EFR3A: variants seen among roughly 807,000 people sequenced by gnomAD.
EFR3A encodes the protein EFR3 homolog A.
Under a neutral mutation model 104.4 loss-of-function variants are expected in EFR3A, and 76 were observed. The ratio of observed to expected loss-of-function variants is 0.73; its 90% confidence interval spans 0.60 to 0.88. The LOEUF (loss-of-function observed/expected upper bound fraction) is 0.88. EFR3A is among the 40% of genes least tolerant of loss of function. The probability of loss-of-function intolerance (pLI) is 0.00; values close to 1 mark genes in which losing one functional copy is unlikely to be tolerated. For missense variants in EFR3A, 985 were observed against 1,012.5 expected, an observed-to-expected ratio of 0.97 and a Z score of 0.37; for synonymous variants, 330 against 330.0, an observed-to-expected ratio of 1.00 and a Z score of 0.00.
intron 2 of EFR3A, among the ~76,000 whole-genome samples, chr8:131,943,882 T>C (rs1818291894): frequency 6.6e-6 from 1 of 151,826 alleles, no homozygotes; most frequent in Non-Finnish European, 1.5e-5. Context: ...GCTCATTTGC[T>C]GTCTGAGAGA....
chr8:131,926,115 G>A (rs1817285909), intron 1 of EFR3A, among the ~76,000 whole-genome samples: 1 of 152,000 alleles, frequency 6.6e-6, no homozygotes, highest in African/African-American at 2.4e-5. Context: ...ATAAAAAAAA[G>A]ACTAGAAGAC....
intron 1 of EFR3A, among the ~76,000 whole-genome samples, chr8:131,936,173 G>A (rs1224113763): frequency 6.6e-6 from 1 of 152,058 alleles, no homozygotes; most frequent in East Asian, 1.9e-4. Context: ...AGGTCAATTG[G>A]CATCACTACT....
At chr8:131,963,383 G>A (rs1192900302) in intron 8 of EFR3A, among the ~76,000 whole-genome samples, 2 of 152,058 alleles carry the variant, frequency 1.3e-5, no homozygotes, top group African/African-American at 4.8e-5. Context: ...AAATGATAAA[G>A]GGGATATCAC....
intron 22 of EFR3A, among the ~76,000 whole-genome samples, chr8:132,005,913 A>G (rs1317568574): frequency 1.3e-5 from 2 of 152,208 alleles, no homozygotes; most frequent in Non-Finnish European, 2.9e-5. Context: ...AAGACATCAT[A>G]TTGAGTATGT....
chr8:131,940,702 T>G, intron 2 of EFR3A, 127 bp downstream of exon 2: 1 of 1,383,950 alleles, frequency 7.2e-7, no homozygotes, highest in Non-Finnish European at 9.4e-7. Flanking sequence ...TATACTACTT[T>G]TTTTATACTT....
At chr8:131,977,969 TTAATC>T (rs1183125818) in intron 12 of EFR3A, among the ~76,000 whole-genome samples, 2 of 152,170 alleles carry the variant, frequency 1.3e-5, no homozygotes, top group Admixed American at 6.5e-5. Context: ...ATTTAGAACT[TTAATC>T]TGAAGTTTAT....
chr8:131,984,880 G>C, intron 15 of EFR3A, 49 bp from the exon 16 acceptor site: 1 of 1,517,286 alleles, frequency 6.6e-7, no homozygotes, highest in Non-Finnish European at 8.9e-7. Context: ...GAAAATGCTG[G>C]TGAAGTATAA....
chr8:131,936,018 G>A (rs1023588345), intron 1 of EFR3A, among the ~76,000 whole-genome samples: 3 of 152,014 alleles, frequency 2.0e-5, no homozygotes, highest in Admixed American at 6.6e-5. Flanking sequence ...GAGTGCCTGC[G>A]TGCCTAATCC....
At chr8:131,999,775 A>G (rs1177708075) in intron 19 of EFR3A, among the ~76,000 whole-genome samples, 1 of 152,166 alleles carries the variant, frequency 6.6e-6, no homozygotes, top group Non-Finnish European at 1.5e-5. Context: ...GTTGTATACC[A>G]GGCTGAGGGC....
At chr8:131,967,793 G>C (rs1048610144) in intron 8 of EFR3A, among the ~76,000 whole-genome samples, 1 of 151,834 alleles carries the variant, frequency 6.6e-6, no homozygotes, top group Admixed American at 6.6e-5. Context: ...CTCTTGATTA[G>C]ATGAGTGTTT....
At chr8:131,938,569 T>G (rs958143673) in intron 1 of EFR3A, among the ~76,000 whole-genome samples, 3 of 152,178 alleles carry the variant, frequency 2.0e-5, no homozygotes, top group Non-Finnish European at 2.9e-5. Context: ...GTGTTGGGCC[T>G]TCCTGAGAAA....
In EFR3A at chr8:131,904,173, C is replaced by T. The variant is rs1816118189; in HGVS notation, c.-140C>T. The T allele has an allele frequency of 2.0e-6, 2 of 1,007,118 alleles. No homozygotes were observed. 62.4% of individuals were successfully genotyped at this position (1,007,118 alleles called of 1,614,324 possible). The stretch of plus-strand genomic sequence containing the variant: ...GGTTGCGTGACCGCGGGGTCCGCGT[C>T]CGCTCCCTCCACCCTTCGCCCTTCG... On this transcript the variant is annotated 5_prime_UTR_variant, in exon 1 of 23. Transcript: ENST00000254624.
At position 131,957,499 on chromosome 8, in the gene EFR3A, C is replaced by T. The variant is rs571745515; in HGVS notation, c.776+1594C>T. ...CCGAGTAGCTTGGATTATAGGCATG[C>T]GCCACCATGCCTGGCCAATTTTGTA... On this transcript the variant is annotated intron_variant, in intron 7 of 22. Coordinates refer to ENST00000254624, the MANE Select transcript of EFR3A (RefSeq NM_015137.6). 3.6e-4 allele frequency among the ~76,000 whole-genome samples: 54 copies of T among 152,016 alleles called. No individual in the cohort carries two copies. In the South Asian group the frequency reaches 8.3e-3, roughly 23 times the overall value.
rs1355284902 is a variant in EFR3A at position 132,011,758 on chromosome 8, T to G, written c.*863T>G. 1 of 152,546 alleles carries G rather than the reference T, an allele frequency of 6.6e-6. No individual in the cohort carries two copies. Among genetic ancestry groups the G allele is most frequent in the Non-Finnish European group, 1.5e-5 (1 of 68,030 alleles). The allele number at this position is 152,546 out of a possible 1,614,324, so 9.4% of individuals were successfully genotyped here. On this transcript the variant is annotated 3_prime_UTR_variant, in exon 23 of 23. Coordinates refer to ENST00000254624, the MANE Select transcript of EFR3A (RefSeq NM_015137.6). ...TTTAAAACAGCTATTAGTTCACCTGTGAAGAGTCTGTACATTTTGATTTCT... is the reference window on the plus strand; with the variant it reads ...TTTAAAACAGCTATTAGTTCACCTGGGAAGAGTCTGTACATTTTGATTTCT...
chr8:132,004,719 A>G (rs1246170595), intron 22 of EFR3A, among the ~76,000 whole-genome samples: 1 of 152,192 alleles, frequency 6.6e-6, no homozygotes, highest in Admixed American at 6.5e-5. Flanking sequence ...ATTTCTGCTA[A>G]TCCTCACCAT....
At chr8:131,934,240 A>T (rs530903608) in intron 1 of EFR3A, among the ~76,000 whole-genome samples, 25 of 152,134 alleles carry the variant, frequency 1.6e-4, no homozygotes, top group African/African-American at 6.0e-4. Context: ...TGTTTTTCCC[A>T]TGTGCCGTCC....
intron 7 of EFR3A, among the ~76,000 whole-genome samples, chr8:131,957,986 A>G (rs548727126): frequency 6.6e-6 from 1 of 152,172 alleles, no homozygotes; most frequent in Non-Finnish European, 1.5e-5. Context: ...ACCTTAGCTC[A>G]AAAGTATAAA....
rs781733114 is a variant in EFR3A, at chr8:131,949,939, G to A, written c.367-30G>A. ...TTTGGTTCACACTTCTGAAGAAGGT[G>A]AAGTATATTATATTATTTGTGTTTT... On this transcript the variant is annotated intron_variant, in intron 4 of 22. Transcript: ENST00000254624. 3.9e-6 allele frequency: 6 copies of A among 1,541,290 alleles called. No homozygotes were observed. In the South Asian group the frequency reaches 7.3e-5, roughly 19 times the overall value.
intron 19 of EFR3A, among the ~76,000 whole-genome samples, chr8:131,997,393 T>C (rs1279665637): frequency 6.6e-6 from 1 of 152,084 alleles, no homozygotes; most frequent in Non-Finnish European, 1.5e-5. Flanking sequence ...TTGATTTATT[T>C]GTCTTCAGGT....
Sources: allele counts gnomAD v4.1 joint callset (sites outside exome capture counted in the v4.1 genomes callset), GRCh38; gene constraint gnomAD v4.1.1; transcripts MANE v1.5; gene names NCBI Gene and HGNC (gene_info 2026-07-23, HGNC 2026-07-21).